NRIP1: variants seen among roughly 807,000 people sequenced by gnomAD.
NRIP1 encodes nuclear receptor interacting protein 1.
A neutral mutation model predicts 75.0 loss-of-function variants in NRIP1; 28 were observed. The observed-to-expected ratio is 0.37, with a 90% CI of 0.28 to 0.51. NRIP1 has a LOEUF of 0.51. NRIP1 is among the 20% of genes least tolerant of loss of function. The pLI, the probability that NRIP1 is intolerant of heterozygous loss-of-function variation, is 0.92. For synonymous variants in NRIP1, 526 were observed against 487.6 expected, an observed-to-expected ratio of 1.08 and a Z score of -1.04; for missense variants, 1,435 against 1,343.7, an observed-to-expected ratio of 1.07 and a Z score of -1.06.
intron 3 of NRIP1, among the ~76,000 whole-genome samples, chr21:15,011,816 A>G (rs1219895388): frequency 1.3e-5 from 2 of 152,234 alleles, no homozygotes; most frequent in Non-Finnish European, 2.9e-5. Flanking sequence ...CAGAAAGTAT[A>G]TAAAGTCCTA....
intron 2 of NRIP1, among the ~76,000 whole-genome samples, chr21:15,038,651 T>C (rs2088886183): frequency 1.3e-5 from 2 of 152,088 alleles, no homozygotes; most frequent in African/African-American, 4.8e-5. Context: ...GTATGTCAGT[T>C]TGATGAAAAA....
intron 2 of NRIP1, among the ~76,000 whole-genome samples, chr21:15,018,929 T>G (rs564185297): frequency 6.6e-6 from 1 of 152,198 alleles, no homozygotes; most frequent in African/African-American, 2.4e-5. Context: ...AAATTCCACC[T>G]TCCACTATTA....
At chr21:14,987,542 G>A (rs184490404) in intron 3 of NRIP1, among the ~76,000 whole-genome samples, 1 of 152,250 alleles carries the variant, frequency 6.6e-6, no homozygotes, top group African/African-American at 2.4e-5. Flanking sequence ...CTTAGCAAAG[G>A]GCAATCAAAG....
chr21:14,986,070 T>C (rs562915682), intron 3 of NRIP1, among the ~76,000 whole-genome samples: 4 of 152,284 alleles, frequency 2.6e-5, no homozygotes, highest in Non-Finnish European at 5.9e-5. Flanking sequence ...TAAAAATCAA[T>C]CATTGAAGCA....
intron 2 of NRIP1, among the ~76,000 whole-genome samples, chr21:15,019,419 TA>T (rs910027839): frequency 4.9e-5 from 5 of 101,278 alleles, no homozygotes; most frequent in African/African-American, 7.1e-5. Context: ...AAATAATTAA[TA>T]AAAAAAAGTT....
chr21:15,047,291 C>T (rs1452087420), intron 1 of NRIP1, among the ~76,000 whole-genome samples: 1 of 108,100 alleles, frequency 9.3e-6, no homozygotes, highest in African/African-American at 4.4e-5. Context: ...CCTGTAATTC[C>T]AGCACTTTGG....
At chr21:15,037,775 G>A (rs2088867565) in intron 2 of NRIP1, among the ~76,000 whole-genome samples, 1 of 152,116 alleles carries the variant, frequency 6.6e-6, no homozygotes, top group Non-Finnish European at 1.5e-5. Context: ...GATATGCAAG[G>A]AACCAGGTAG....
chr21:15,033,572 G>A (rs1411594689), intron 2 of NRIP1, among the ~76,000 whole-genome samples: 2 of 152,168 alleles, frequency 1.3e-5, no homozygotes, highest in African/African-American at 4.8e-5. Flanking sequence ...CTGTAATGGT[G>A]ACTTTCAACA....
chr21:15,020,150 C>G (rs1183823241), intron 2 of NRIP1, among the ~76,000 whole-genome samples: 1 of 151,916 alleles, frequency 6.6e-6, no homozygotes, highest in Non-Finnish European at 1.5e-5. Flanking sequence ...AATAGTGAAA[C>G]AACTCTGAAA....
intron 1 of NRIP1, among the ~76,000 whole-genome samples, chr21:15,062,910 G>A (rs1216726318): frequency 6.6e-6 from 1 of 152,124 alleles, no homozygotes; most frequent in Non-Finnish European, 1.5e-5. Flanking sequence ...GCAGAGTTTA[G>A]AAATGCATGT....
At chr21:14,988,154 G>C (rs543020969) in intron 3 of NRIP1, 2 of 152,206 alleles carry the variant, frequency 1.3e-5, no homozygotes, top group East Asian at 3.9e-4. Context: ...GGTCACTTTG[G>C]TGGATTTACT....
rs2086763596 is a variant in NRIP1 at position 14,966,864 on chromosome 21, C to T, written c.1329G>A (p.Leu443=). ...ATTTTTCAGTTCGGTGTTTGCAAGA[C>T]AAGTCTATGGGAACACAGTTGGAAT... ...SSYSNCVPID[L]SCKHRTEKSE... Residue 443 remains leucine (L), a synonymous_variant, in exon 4 of 4, where the codon TTG becomes TTA. Transcript: ENST00000318948. 1.2e-6 allele frequency: 2 copies of T among 1,614,034 alleles called. No homozygotes were observed. The highest frequency in any genetic ancestry group is 2.2e-5 in the South Asian group (2 of 91,074).
chr21:15,031,210 C>A (rs1359195039), intron 2 of NRIP1, among the ~76,000 whole-genome samples: 1 of 145,000 alleles, frequency 6.9e-6, no homozygotes, highest in Admixed American at 6.9e-5. Flanking sequence ...CACCACATTC[C>A]CTTTCTATGT....
At chr21:15,021,858 G>T (rs1432822007) in intron 2 of NRIP1, among the ~76,000 whole-genome samples, 1 of 152,152 alleles carries the variant, frequency 6.6e-6, no homozygotes, top group Non-Finnish European at 1.5e-5. Context: ...TCTCATGCCT[G>T]TCAGAATGGT....
intron 3 of NRIP1, among the ~76,000 whole-genome samples, chr21:14,997,093 CT>C (rs146314924): frequency 1.4e-3 from 219 of 152,158 alleles, no homozygotes; most frequent in African/African-American, 4.7e-3. Flanking sequence ...GGCATTCAGA[CT>C]TTTAAAGTCA....
At chr21:15,015,400 G>A (rs565395736) in intron 2 of NRIP1, among the ~76,000 whole-genome samples, 5 of 152,118 alleles carry the variant, frequency 3.3e-5, no homozygotes, top group South Asian at 4.2e-4. Flanking sequence ...ATTATACCTC[G>A]ATAAAACTGT....
intron 1 of NRIP1, chr21:15,050,480 G>T: frequency 3.1e-6 from 1 of 322,202 alleles, no homozygotes; most frequent in Non-Finnish European, 6.1e-6. Context: ...ATATGTTGGA[G>T]CCAATTTCTA....
At chr21:14,973,241 T>C (rs2086953786) in intron 3 of NRIP1, among the ~76,000 whole-genome samples, 2 of 145,876 alleles carry the variant, frequency 1.4e-5, no homozygotes, top group Non-Finnish European at 3.0e-5. Flanking sequence ...CCAAAGGAAG[T>C]AAAAATACTA....
chr21:14,974,496 G>A (rs9789846), intron 3 of NRIP1, among the ~76,000 whole-genome samples: 6,926 of 152,132 alleles, frequency 0.046, 478 homozygotes, highest in African/African-American at 0.15. Context: ...TCAATCCAAT[G>A]AATTACTTCA....
Sources: gnomAD v4.1 joint callset for allele counts (sites outside exome capture counted in the v4.1 genomes callset) on GRCh38, gnomAD v4.1.1 for gene constraint, MANE v1.5 for transcripts, NCBI Gene and HGNC (gene_info 2026-07-23, HGNC 2026-07-21) for gene names.